Variants in GPR158 observed in about 807,000 individuals in gnomAD.
GPR158 encodes metabotropic glycine receptor.
GPR158 carries 30 observed loss-of-function variants against 78.2 expected under a neutral mutation model. The observed-to-expected ratio is 0.38, with a 90% CI of 0.29 to 0.52. The LOEUF (loss-of-function observed/expected upper bound fraction) is 0.52, where lower values mean the gene tolerates loss of function less well. Ranked by LOEUF, GPR158 falls within the 20% of genes least tolerant of loss-of-function variation. The pLI is 0.83. For synonymous variants in GPR158, 581 were observed against 591.1 expected (o/e 0.98, Z 0.25); for missense variants, 1,463 against 1,523.5 (o/e 0.96, Z 0.66).
At chr10:25,272,979 G>A (rs1367871876) in intron 2 of GPR158, among the ~76,000 whole-genome samples, 2 of 152,108 alleles carry the variant, frequency 1.3e-5, no homozygotes, top group African/African-American at 2.4e-5. Context: ...AAAAGCTGGA[G>A]GACACCCTAA....
intron 2 of GPR158, among the ~76,000 whole-genome samples, chr10:25,310,849 G>A (rs746469967): frequency 2.0e-5 from 3 of 151,968 alleles, no homozygotes; most frequent in Non-Finnish European, 4.4e-5. Flanking sequence ...TGTAAGAGTT[G>A]TATTTATGTC....
At chr10:25,448,778 AT>A (rs1490897004) in intron 4 of GPR158, among the ~76,000 whole-genome samples, 1 of 152,164 alleles carries the variant, frequency 6.6e-6, no homozygotes, top group East Asian at 1.9e-4. Flanking sequence ...TCATTTTGGT[AT>A]TGTCAATCTT....
At position 25,424,183 on chromosome 10, in the gene GPR158, T is replaced by C. The variant is rs907181699; in HGVS notation, c.1335+11710T>C. ...CTGTTGGCTGCATAAATGTCTTCTT[T>C]TGAGAAGTGTCTGTTCATATCCTTT... On this transcript the variant is annotated intron_variant, in intron 4 of 10. Transcript: ENST00000376351. Among the ~76,000 whole-genome samples, 21 of 152,328 alleles carry C rather than the reference T, an allele frequency of 1.4e-4. 1 individual carries two copies. Among genetic ancestry groups the C allele is most frequent in the Admixed American group, 5.2e-4 (8 of 15,298 alleles).
Position 25,572,849 on chromosome 10 carries a change from T to C in GPR158, c.1715T>C (p.Met572Thr). Reference sequence around the variant, plus strand: ...ACATCCGATCACCTCATCTTCAATATGTGCCTCATTGACCGCTGGGACTAC... The same window carrying C: ...ACATCCGATCACCTCATCTTCAATACGTGCCTCATTGACCGCTGGGACTAC... ...GKTSDHLIFN[M>T]CLIDRWDYMT... Residue 572 changes from methionine to threonine, a missense_variant, in exon 7 of 11, where the codon ATG becomes ACG. Met to Thr is a moderately conservative substitution (Grantham distance 81). Coordinates refer to ENST00000376351, the MANE Select transcript of GPR158 (RefSeq NM_020752.3). The C allele has an allele frequency of 6.2e-7, 1 of 1,611,788 alleles. No individual in the cohort carries two copies. The highest frequency in any genetic ancestry group is 8.5e-7 in the Non-Finnish European group (1 of 1,177,824).
At chr10:25,295,114 C>T (rs1854493726) in intron 2 of GPR158, among the ~76,000 whole-genome samples, 1 of 152,190 alleles carries the variant, frequency 6.6e-6, no homozygotes, top group Non-Finnish European at 1.5e-5. Context: ...CCCTGTCTTA[C>T]CCACATGTAA....
intron 2 of GPR158, among the ~76,000 whole-genome samples, chr10:25,393,278 A>T (rs920454953): frequency 6.6e-6 from 1 of 152,208 alleles, no homozygotes; most frequent in African/African-American, 2.4e-5. Flanking sequence ...GAGTCATATC[A>T]TCATGAAATC....
intron 2 of GPR158, among the ~76,000 whole-genome samples, chr10:25,263,884 C>G (rs766366347): frequency 6.6e-6 from 1 of 152,164 alleles, no homozygotes; most frequent in African/African-American, 2.4e-5. Flanking sequence ...TTGCAGTGAG[C>G]TGATACAGTG....
chr10:25,473,099 G>A (rs934130473), intron 5 of GPR158, among the ~76,000 whole-genome samples: 3 of 151,910 alleles, frequency 2.0e-5, no homozygotes, highest in Admixed American at 6.6e-5. Flanking sequence ...GTTTGTCATA[G>A]ATAGCTCTTA....
At chr10:25,204,677 G>A (rs567828222) in intron 1 of GPR158, among the ~76,000 whole-genome samples, 3 of 152,122 alleles carry the variant, frequency 2.0e-5, no homozygotes, top group East Asian at 3.9e-4. Flanking sequence ...GAGGATTTTT[G>A]CATCGATGTT....
chr10:25,250,820 C>G (rs1238424881), intron 2 of GPR158, among the ~76,000 whole-genome samples: 1 of 150,318 alleles, frequency 6.7e-6, no homozygotes, highest in Non-Finnish European at 1.5e-5. Flanking sequence ...CTGTAGATGT[C>G]TATTAGGTCC....
chr10:25,337,870 T>C (rs7914392), intron 2 of GPR158, among the ~76,000 whole-genome samples: 1 of 151,890 alleles, frequency 6.6e-6, no homozygotes, highest in African/African-American at 2.4e-5. Flanking sequence ...TTTTCATTTC[T>C]CTGATAACTA....
chr10:25,230,626 T>G (rs1200870694), intron 2 of GPR158, among the ~76,000 whole-genome samples: 2 of 152,166 alleles, frequency 1.3e-5, no homozygotes, highest in African/African-American at 2.4e-5. Context: ...AGCTATTATA[T>G]GGATATTTTT....
chr10:25,428,095 T>A (rs1401383573), intron 4 of GPR158, among the ~76,000 whole-genome samples: 1 of 152,082 alleles, frequency 6.6e-6, no homozygotes, highest in Non-Finnish European at 1.5e-5. Flanking sequence ...ACAGGATGTA[T>A]TTGATGAAGA....
intron 7 of GPR158, among the ~76,000 whole-genome samples, chr10:25,586,985 A>G (rs1019533043): frequency 3.3e-5 from 5 of 152,330 alleles, no homozygotes; most frequent in Middle Eastern, 3.4e-3. Context: ...AGGAGCTGGG[A>G]GATCAGTCTC....
Position 25,535,800 on chromosome 10 carries a change from A to G in GPR158, c.1405-15176A>G, listed in dbSNP as rs149146774. Among the ~76,000 whole-genome samples, 521 of 152,266 alleles carry G rather than the reference A, an allele frequency of 3.4e-3. 1 individual carries two copies. The highest frequency in any genetic ancestry group is 0.012 in the African/African-American group (513 of 41,562). ...TTCTTTCCTCTTCTCTCTATACCCC[A>G]TTCTCAACTCCACACTATTCAGAAG... On this transcript the variant is annotated intron_variant, in intron 5 of 10. Transcript: ENST00000376351.
rs142608737 is a variant in GPR158, at chr10:25,227,626, A to G, written c.1008+6469A>G. ...GTATAGGCTATTTTTTCCATGGGAT[A>G]CCTTTTATAACATTATTTCAAATTC... On this transcript the variant is annotated intron_variant, in intron 2 of 10. Coordinates refer to ENST00000376351, the MANE Select transcript of GPR158 (RefSeq NM_020752.3). Among the ~76,000 whole-genome samples, 765 of 152,288 alleles carry G rather than the reference A, an allele frequency of 5.0e-3. 11 individuals carry two copies. The highest frequency in any genetic ancestry group is 0.018 in the African/African-American group (744 of 41,554).
At chr10:25,514,848 C>A (rs1029663633) in intron 5 of GPR158, among the ~76,000 whole-genome samples, 4 of 152,152 alleles carry the variant, frequency 2.6e-5, no homozygotes, top group African/African-American at 9.7e-5. Context: ...GGACCCCAAT[C>A]TTTTCTAGCT....
intron 2 of GPR158, among the ~76,000 whole-genome samples, chr10:25,376,855 C>G (rs564953946): frequency 6.6e-6 from 1 of 151,560 alleles, no homozygotes; most frequent in Non-Finnish European, 1.5e-5. Flanking sequence ...AAGGAGTCAG[C>G]TATATATTTT....
Position 25,312,544 on chromosome 10 carries a change from T to C in GPR158, c.1009-83367T>C, listed in dbSNP as rs187592934. On this transcript the variant is annotated intron_variant, in intron 2 of 10. Coordinates refer to ENST00000376351, the MANE Select transcript of GPR158 (RefSeq NM_020752.3). ...CAGATATCTTTAATCTGAATAACCATAATTTATCTGTCAATTTTTCTTGGA... is the reference window on the plus strand; with the variant it reads ...CAGATATCTTTAATCTGAATAACCACAATTTATCTGTCAATTTTTCTTGGA... 1.4e-3 allele frequency among the ~76,000 whole-genome samples: 206 copies of C among 152,260 alleles called. 1 individual carries two copies. The highest frequency in any genetic ancestry group is 1.1e-3 in the Non-Finnish European group (75 of 67,988).
Sources: allele counts gnomAD v4.1 joint callset (sites outside exome capture counted in the v4.1 genomes callset), GRCh38; gene constraint gnomAD v4.1.1; transcripts MANE v1.5; gene names NCBI Gene and HGNC (gene_info 2026-07-23, HGNC 2026-07-21).